COL4A6: variants seen among roughly 807,000 people sequenced by gnomAD.
COL4A6 encodes the protein collagen alpha-6(IV) chain.
Under a neutral mutation model 126.7 loss-of-function variants are expected in COL4A6, and 59 were observed. The ratio of observed to expected loss-of-function variants is 0.47; its 90% CI spans 0.38 to 0.58. COL4A6 has a LOEUF of 0.58. Ranked by LOEUF, COL4A6 falls within the 20% of genes least tolerant of loss-of-function variation. COL4A6 has a pLI of 0.00. For missense variants in COL4A6, 1,285 were observed against 1,337.3 expected, an observed-to-expected ratio of 0.96 and a Z score of 0.61; for synonymous variants, 547 against 496.6, an observed-to-expected ratio of 1.10 and a Z score of -1.35.
chrX:108,238,279 T>C (rs1422832576), intron 3 of COL4A6, among the ~76,000 whole-genome samples: 1 of 109,433 alleles, frequency 9.1e-6, no homozygotes, highest in Non-Finnish European at 1.9e-5. Context: ...CTAATTTTTG[T>C]ATTTTTAGTA....
At chrX:108,208,022 A>C (rs910459122) in intron 8 of COL4A6, among the ~76,000 whole-genome samples, 2 of 112,175 alleles carry the variant, frequency 1.8e-5, no homozygotes, top group African/African-American at 3.2e-5. Flanking sequence ...AAAAAAGCAA[A>C]AGTTATATTA....
At chrX:108,343,964 A>T (rs1285529229) in intron 2 of COL4A6, among the ~76,000 whole-genome samples, 2 of 111,615 alleles carry the variant, frequency 1.8e-5, no homozygotes, top group African/African-American at 6.5e-5. Context: ...CTTAACTATT[A>T]TCAAGTGGTA....
At chrX:108,240,358 C>T (rs144599959) in intron 3 of COL4A6, among the ~76,000 whole-genome samples, 186 of 112,123 alleles carry the variant, frequency 1.7e-3, no homozygotes, top group Non-Finnish European at 3.2e-3. Flanking sequence ...GTTGTATATC[C>T]CACCATTGAT....
chrX:108,279,946 G>A (rs767076745), intron 3 of COL4A6, among the ~76,000 whole-genome samples: 31 of 110,894 alleles, frequency 2.8e-4, no homozygotes, highest in Non-Finnish European at 1.9e-5. Flanking sequence ...TGAAACCAAT[G>A]AGAACAAAGA....
chrX:108,344,206 C>G (rs2039657795), intron 2 of COL4A6, among the ~76,000 whole-genome samples: 1 of 111,165 alleles, frequency 9.0e-6, no homozygotes, highest in Admixed American at 9.6e-5. Flanking sequence ...TTAGTTTCCA[C>G]TGAGAATGTA....
chrX:108,164,735 A>G (rs1237991204), intron 39 of COL4A6, 37 bp from the exon 40 acceptor site: 1 of 1,194,136 alleles, frequency 8.4e-7, no homozygotes, highest in Non-Finnish European at 1.1e-6. Context: ...AGGTCCCGGC[A>G]TGGTAGGGGT....
At chrX:108,205,801 C>A in intron 9 of COL4A6, 106 bp from the exon 10 acceptor site, 1 of 660,920 alleles carries the variant, frequency 1.5e-6, no homozygotes, top group Non-Finnish European at 2.4e-6. Flanking sequence ...ATCTTTCCTG[C>A]TTTGGCATAG....
chrX:108,409,844 A>T (rs1047539459), intron 2 of COL4A6, among the ~76,000 whole-genome samples: 1 of 111,263 alleles, frequency 9.0e-6, no homozygotes, highest in Admixed American at 9.6e-5. Context: ...TCATTTTTTC[A>T]TTGAATGACT....
chrX:108,359,606 G>A (rs987168226), intron 2 of COL4A6, among the ~76,000 whole-genome samples: 1 of 111,973 alleles, frequency 8.9e-6, no homozygotes, highest in Non-Finnish European at 1.9e-5. Flanking sequence ...AATTAAATCA[G>A]CCAAAACTTA....
intron 12 of COL4A6, among the ~76,000 whole-genome samples, 165 bp from the exon 13 acceptor site, chrX:108,203,146 G>A (rs191015404): frequency 1.8e-5 from 2 of 111,692 alleles, no homozygotes; most frequent in East Asian, 5.6e-4. Context: ...ACTAGCAGCT[G>A]TACCAGGATG....
chrX:108,380,502 C>T (rs1393693590), intron 2 of COL4A6, among the ~76,000 whole-genome samples: 1 of 112,001 alleles, frequency 8.9e-6, no homozygotes, highest in Non-Finnish European at 1.9e-5. Flanking sequence ...TTCCATAAGG[C>T]AGTGACATCC....
chrX:108,277,859 G>A (rs2037662004), intron 3 of COL4A6, among the ~76,000 whole-genome samples: 1 of 112,006 alleles, frequency 8.9e-6, no homozygotes, highest in Admixed American at 9.4e-5. Context: ...TGCAGCCACC[G>A]CTGCTGGTAC....
intron 7 of COL4A6, among the ~76,000 whole-genome samples, chrX:108,211,367 T>A (rs1330232179): frequency 5.3e-5 from 6 of 112,684 alleles, no homozygotes; most frequent in Non-Finnish European, 9.4e-5. Context: ...ATAAAAGGTA[T>A]CTGCCTCCGG....
At chrX:108,333,121 A>C (rs1413400361) in intron 2 of COL4A6, among the ~76,000 whole-genome samples, 1 of 110,915 alleles carries the variant, frequency 9.0e-6, no homozygotes, top group Non-Finnish European at 1.9e-5. Context: ...CAATTTTGTC[A>C]AAGATCAGTT....
chrX:108,349,282 T>C (rs914902172), intron 2 of COL4A6, among the ~76,000 whole-genome samples: 2 of 112,039 alleles, frequency 1.8e-5, no homozygotes, highest in Non-Finnish European at 3.8e-5. Context: ...AGTGAGCTGA[T>C]GTATCTCACT....
chrX:108,424,311 G>A (rs888700180), intron 2 of COL4A6, among the ~76,000 whole-genome samples: 3 of 111,453 alleles, frequency 2.7e-5, no homozygotes, highest in Non-Finnish European at 5.6e-5. Flanking sequence ...TGATCAGCCC[G>A]TCCCTCCAAT....
intron 2 of COL4A6, among the ~76,000 whole-genome samples, chrX:108,362,339 C>T (rs2040106358): frequency 8.9e-6 from 1 of 111,849 alleles, no homozygotes; most frequent in Non-Finnish European, 1.9e-5. Flanking sequence ...GAAGGTAGAA[C>T]TTGAACAGAT....
chrX:108,394,020 C>T (rs1461352184), intron 2 of COL4A6, among the ~76,000 whole-genome samples: 2 of 111,930 alleles, frequency 1.8e-5, no homozygotes, highest in Non-Finnish European at 3.8e-5. Flanking sequence ...GACTTAGAAC[C>T]AACCCAAATG....
chrX:108,190,921 TCA>T (rs1479461311), intron 19 of COL4A6, among the ~76,000 whole-genome samples: 1 of 111,877 alleles, frequency 8.9e-6, no homozygotes, highest in Non-Finnish European at 1.9e-5. Flanking sequence ...ATCTAGAATC[TCA>T]CACTCAAGTA....
Sources: allele counts gnomAD v4.1 joint callset (sites outside exome capture counted in the v4.1 genomes callset), GRCh38; gene constraint gnomAD v4.1.1; transcripts MANE v1.5; gene names NCBI Gene and HGNC (gene_info 2026-07-23, HGNC 2026-07-21).